FNIP1: variants seen among roughly 807,000 people sequenced by gnomAD.
FNIP1 encodes the protein folliculin-interacting protein 1.
A neutral mutation model predicts 124.5 loss-of-function variants in FNIP1; 40 were observed. That is an observed-to-expected ratio of 0.32 (90% confidence interval 0.25 to 0.42). The LOEUF is 0.42. FNIP1 is among the 10% of genes least tolerant of loss of function. The pLI is 1.00. For missense variants in FNIP1, 1,176 were observed against 1,403.7 expected, an observed-to-expected ratio of 0.84 and a Z score of 2.59; for synonymous variants, 472 against 470.6, an observed-to-expected ratio of 1.00 and a Z score of -0.04.
In FNIP1 at chr5:131,671,691, T is replaced by C; in HGVS notation, c.2753A>G (p.Lys918Arg). Residue 918 changes from lysine to arginine, a missense_variant, in exon 14 of 18, where the codon AAA becomes AGA. Physicochemically the swap from Lys to Arg is conservative, Grantham distance 26 (BLOSUM62 2). Coordinates refer to ENST00000510461, the MANE Select transcript of FNIP1 (RefSeq NM_133372.3). ...TLSILVPHGD[K>R]ESSDKKIAVG... ...AGCAATTTTTTTATCTGAACTCTCT[T>C]TATCCCCATGGGGGACAAGAATGGA... 2 of 1,614,198 alleles carry C rather than the reference T, an allele frequency of 1.2e-6. No individual in the cohort carries two copies. Among genetic ancestry groups the C allele is most frequent in the African/African-American group, 1.3e-5 (1 of 75,064 alleles).
chr5:131,674,506 G>A (rs1767855408), intron 13 of FNIP1, among the ~76,000 whole-genome samples: 1 of 151,988 alleles, frequency 6.6e-6, no homozygotes. Context: ...CTTGAGCCCA[G>A]GAGTTCAAGA....
intron 14 of FNIP1, 56 bp from the exon 15 acceptor site, chr5:131,670,687 G>GAA: frequency 8.6e-7 from 1 of 1,164,642 alleles, no homozygotes; most frequent in Non-Finnish European, 1.1e-6. Context: ...TATTTAACCA[G>GAA]TAAAAAAAAA....
intron 1 of FNIP1, among the ~76,000 whole-genome samples, chr5:131,753,335 C>T (rs1289233046): frequency 6.6e-6 from 1 of 152,158 alleles, no homozygotes; most frequent in Non-Finnish European, 1.5e-5. Context: ...GAAATGTTCA[C>T]TGCAGTTTTA....
chr5:131,665,898 ACTT>A (rs1422031424), intron 15 of FNIP1, among the ~76,000 whole-genome samples: 16 of 114,776 alleles, frequency 1.4e-4, no homozygotes, highest in South Asian at 8.3e-4. Context: ...CTAAAATAAT[ACTT>A]TTTTTTTTTT....
chr5:131,679,889 C>T (rs1275916628), intron 11 of FNIP1, among the ~76,000 whole-genome samples: 2 of 152,198 alleles, frequency 1.3e-5, no homozygotes, highest in Non-Finnish European at 2.9e-5. Flanking sequence ...CTTTTTACAT[C>T]ATTATCTATT....
intron 1 of FNIP1, among the ~76,000 whole-genome samples, chr5:131,786,321 A>C (rs1772217223): frequency 6.6e-6 from 1 of 152,238 alleles, no homozygotes; most frequent in African/African-American, 2.4e-5. Flanking sequence ...AATCTAGTGA[A>C]GTATTAATAT....
rs1767049710 is a variant in FNIP1, at chr5:131,651,901, T to C, written c.3207A>G (p.Thr1069=). The C allele has an allele frequency of 1.9e-6, 3 of 1,614,194 alleles. No individual in the cohort carries two copies. The East Asian group carries it at 6.7e-5, about 36-fold the overall frequency. The change falls in exon 16 of 18, where the codon ACA becomes ACG. Residue 1069 remains threonine, a synonymous_variant. Coordinates refer to ENST00000510461, the MANE Select transcript of FNIP1 (RefSeq NM_133372.3). ...ATACTTCCTTTCCCAATTTATTATC[T>C]GTCACTCGTCTCTGGCTACTGGCCA... is the stretch of plus-strand genomic sequence containing the variant. ...VQVASSQRRV[T]DNKLGKEVLV...
chr5:131,670,431 A>G, intron 15 of FNIP1, 32 bp downstream of exon 15: 1 of 1,511,478 alleles, frequency 6.6e-7, no homozygotes, highest in South Asian at 1.3e-5. Context: ...AGTTTCTTCT[A>G]AATAAACTCA....
At chr5:131,686,658 C>T (rs1768282741) in intron 11 of FNIP1, among the ~76,000 whole-genome samples, 1 of 152,118 alleles carries the variant, frequency 6.6e-6, no homozygotes, top group South Asian at 2.1e-4. Flanking sequence ...AAGAATATAT[C>T]CTTTGTTACC....
chr5:131,703,404 A>G (rs1487269082), intron 10 of FNIP1, among the ~76,000 whole-genome samples: 1 of 152,204 alleles, frequency 6.6e-6, no homozygotes, highest in African/African-American at 2.4e-5. Flanking sequence ...AAAACCCTCC[A>G]ATGGTTTCCC....
At chr5:131,716,860 A>C (rs1160878942) in intron 5 of FNIP1, among the ~76,000 whole-genome samples, 2 of 152,164 alleles carry the variant, frequency 1.3e-5, no homozygotes, top group Non-Finnish European at 2.9e-5. Flanking sequence ...TTTGTAAATA[A>C]AGTTTTATTG....
In FNIP1 at chr5:131,796,871, G is replaced by C; in HGVS notation, c.51C>G (p.Gly17=). The C allele has an allele frequency of 3.1e-6, 5 of 1,607,938 alleles. No homozygotes were observed. The highest frequency in any genetic ancestry group is 4.2e-6 in the Non-Finnish European group (5 of 1,177,892). The change falls in exon 1 of 18, where the codon GGC becomes GGG. Residue 17 remains glycine, a synonymous_variant. Coordinates refer to ENST00000510461, the MANE Select transcript of FNIP1 (RefSeq NM_133372.3). The part of the protein sequence containing the change: ...QKLFSKRTGL[G]APGRDARDPD... ...GGTCCCGGGCGTCGCGGCCGGGCGCGCCCAGCCCGGTCCTCTTGCTGAAGA... is the reference window on the plus strand; with the variant it reads ...GGTCCCGGGCGTCGCGGCCGGGCGCCCCCAGCCCGGTCCTCTTGCTGAAGA...
chr5:131,791,609 T>C (rs1772407295), intron 1 of FNIP1, among the ~76,000 whole-genome samples: 1 of 152,198 alleles, frequency 6.6e-6, no homozygotes, highest in South Asian at 2.1e-4. Context: ...TGGGAAACCA[T>C]AAGACTGGAA....
chr5:131,698,207 G>C (rs32101), intron 11 of FNIP1, among the ~76,000 whole-genome samples: 97,921 of 151,968 alleles, frequency 0.64, 33,306 homozygotes, highest in Non-Finnish European at 0.77. Context: ...TAAAATCCAC[G>C]TCTGTCTGAC....
At chr5:131,668,065 A>G (rs1767652947) in intron 15 of FNIP1, among the ~76,000 whole-genome samples, 2 of 152,222 alleles carry the variant, frequency 1.3e-5, no homozygotes, top group Non-Finnish European at 1.5e-5. Context: ...GAAAATCAGC[A>G]CGGACATAAA....
At chr5:131,761,865 C>G (rs1771243175) in intron 1 of FNIP1, among the ~76,000 whole-genome samples, 1 of 152,104 alleles carries the variant, frequency 6.6e-6, no homozygotes, top group Admixed American at 6.6e-5. Flanking sequence ...TTAAATTATA[C>G]TACAGTGCTA....
intron 1 of FNIP1, among the ~76,000 whole-genome samples, chr5:131,765,852 C>T (rs1771403300): frequency 6.6e-6 from 1 of 152,158 alleles, no homozygotes; most frequent in African/African-American, 2.4e-5. Flanking sequence ...CTAATTTTGT[C>T]ACATAAATTT....
At chr5:131,673,074 G>T (rs1478211853) in intron 13 of FNIP1, 150 bp from the exon 14 acceptor site, 4 of 559,712 alleles carry the variant, frequency 7.1e-6, no homozygotes, top group South Asian at 6.4e-5. Flanking sequence ...TTGAGACAGG[G>T]TCTCACACTG....
At chr5:131,687,083 T>C (rs1768303433) in intron 11 of FNIP1, among the ~76,000 whole-genome samples, 2 of 150,670 alleles carry the variant, frequency 1.3e-5, no homozygotes, top group South Asian at 4.2e-4. Flanking sequence ...TCTAGATCAA[T>C]TTAGGTTGTG....
Sources: allele counts gnomAD v4.1 joint callset (sites outside exome capture counted in the v4.1 genomes callset), GRCh38; gene constraint gnomAD v4.1.1; transcripts MANE v1.5; gene names NCBI Gene and HGNC (gene_info 2026-07-23, HGNC 2026-07-21).